The following ZNF521 variants were observed in gnomAD, a reference collection of about 807,000 sequenced individuals.
ZNF521 encodes the protein zinc finger protein 521.
Under a neutral mutation model 105.5 loss-of-function variants are expected in ZNF521, and 14 were observed. That is an observed-to-expected ratio of 0.13 (90% CI 0.09 to 0.21). The LOEUF (loss-of-function observed/expected upper bound fraction) is 0.21. ZNF521 is among the 10% of genes least tolerant of loss of function. ZNF521 has a pLI of 1.00. For synonymous variants in ZNF521, 635 were observed against 606.0 expected (o/e 1.05, Z -0.70); for missense variants, 1,233 against 1,629.7 (o/e 0.76, Z 4.19).
Position 25,215,457 on chromosome 18 carries a change from T to C in ZNF521, c.3573+8888A>G, listed in dbSNP as rs139539157. Among the ~76,000 whole-genome samples, 3 of 152,276 alleles carry C rather than the reference T, an allele frequency of 2.0e-5. No homozygotes were observed. The East Asian group carries it at 5.8e-4, about 29-fold the overall frequency. ...ACTTTTCTTTCATCATTTAAAATCA[T>C]CCTGACTAGATATTTACTAATCTCC... On this transcript the variant is annotated intron_variant, in intron 4 of 7. Transcript: ENST00000361524.
chr18:25,249,400 A>C (rs1600212637), intron 3 of ZNF521, among the ~76,000 whole-genome samples: 1 of 150,032 alleles, frequency 6.7e-6, no homozygotes, highest in Non-Finnish European at 1.5e-5. Flanking sequence ...CTCGTGATTC[A>C]CCCACCTCAG....
chr18:25,323,207 C>T (rs1406323567), intron 2 of ZNF521, among the ~76,000 whole-genome samples: 1 of 151,850 alleles, frequency 6.6e-6, no homozygotes, highest in East Asian at 1.9e-4. Context: ...AAAAACTCCT[C>T]CAAAGTCATA....
At position 25,164,147 on chromosome 18, in the gene ZNF521, C is replaced by G. The variant is rs540117080; in HGVS notation, c.3658+31013G>C. Among the ~76,000 whole-genome samples the G allele has an allele frequency of 2.6e-5, 4 of 152,274 alleles. No individual in the cohort carries two copies. The East Asian group carries it at 7.7e-4, about 29-fold the overall frequency. On this transcript the variant is annotated intron_variant, in intron 5 of 7. Transcript: ENST00000361524. ...TATTTGTTCTAGGGTGGTATCCCCC[C>G]CACTTCCCTGCCAAATAGCTTGAAG...
chr18:25,283,402 T>TTC (rs1910503799), intron 3 of ZNF521, among the ~76,000 whole-genome samples: 2 of 152,196 alleles, frequency 1.3e-5, no homozygotes, highest in Non-Finnish European at 1.5e-5. Context: ...TCTTCCCTGG[T>TTC]CTCTGGTCCA....
intron 5 of ZNF521, among the ~76,000 whole-genome samples, chr18:25,182,088 G>A (rs935645924): frequency 6.6e-6 from 1 of 152,078 alleles, no homozygotes; most frequent in Non-Finnish European, 1.5e-5. Context: ...TCAATTAGAA[G>A]AAGGACATTT....
At position 25,151,477 on chromosome 18, in the gene ZNF521, A is replaced by G. The variant is rs537003592; in HGVS notation, c.3658+43683T>C. On this transcript the variant is annotated intron_variant, in intron 5 of 7. Coordinates refer to ENST00000361524, the MANE Select transcript of ZNF521 (RefSeq NM_015461.3). ...CATTCTGTTTATCTTTTTACCCCCA[A>G]TGATATGTTGAGTGAATAAATGATT... Among the ~76,000 whole-genome samples, 9 of 152,242 alleles carry G rather than the reference A, an allele frequency of 5.9e-5. No individual in the cohort carries two copies. The East Asian group carries it at 9.7e-4, about 16-fold the overall frequency.
intron 2 of ZNF521, among the ~76,000 whole-genome samples, chr18:25,331,369 G>A (rs1913556709): frequency 6.6e-6 from 1 of 151,826 alleles, no homozygotes; most frequent in South Asian, 2.1e-4. Context: ...AAACATTTCT[G>A]TGTAGTCTTT....
At chr18:25,280,925 A>G (rs1284451584) in intron 3 of ZNF521, among the ~76,000 whole-genome samples, 1 of 152,146 alleles carries the variant, frequency 6.6e-6, no homozygotes, top group African/African-American at 2.4e-5. Context: ...GCTTCTAAAT[A>G]CTGTCTCACT....
At position 25,225,106 on chromosome 18, in the gene ZNF521, T is replaced by A; in HGVS notation, c.2812A>T (p.Thr938Ser). 8.1e-6 allele frequency: 13 copies of A among 1,614,106 alleles called. No homozygotes were observed. The highest frequency in any genetic ancestry group is 1.1e-5 in the Non-Finnish European group (13 of 1,180,014). Residue 938 changes from threonine to serine, a missense_variant, in exon 4 of 8, where the codon ACC becomes TCC. By Grantham distance (58) the Thr-to-Ser change is moderately conservative (BLOSUM62 1). Coordinates refer to ENST00000361524, the MANE Select transcript of ZNF521 (RefSeq NM_015461.3). The surrounding 1 kb of genome is among the most constrained non-coding windows in gnomAD (Gnocchi z 5.6). ...GNYKCNVCSR[T>S]FFSENGLREH... ...CGGAGGCCATTTTCGGAGAAGAAGG[T>A]TCGAGAGCACACGTTGCACTTGTAA... is the stretch of plus-strand genomic sequence containing the variant.
intron 5 of ZNF521, among the ~76,000 whole-genome samples, chr18:25,180,871 G>A (rs531977434): frequency 2.6e-5 from 4 of 152,210 alleles, no homozygotes; most frequent in African/African-American, 9.6e-5. Flanking sequence ...AACAGCAACA[G>A]CAGCAGCATA....
intron 5 of ZNF521, among the ~76,000 whole-genome samples, chr18:25,109,813 T>G (rs2034149141): frequency 6.6e-6 from 1 of 152,204 alleles, no homozygotes; most frequent in African/African-American, 2.4e-5. Context: ...TTTTTCTTGT[T>G]GTGCTGTTTG....
chr18:25,171,323 C>A (rs2035445344), intron 5 of ZNF521, among the ~76,000 whole-genome samples: 1 of 152,010 alleles, frequency 6.6e-6, no homozygotes, highest in African/African-American at 2.4e-5. Context: ...TCTTTGACTG[C>A]CAAAATCAAT....
chr18:25,312,049 A>C (rs775476149), intron 3 of ZNF521, among the ~76,000 whole-genome samples: 3 of 152,174 alleles, frequency 2.0e-5, no homozygotes, highest in African/African-American at 7.2e-5. Context: ...CTTTTCATTC[A>C]TAATCAGTAG....
In ZNF521 at chr18:25,212,509, C is replaced by CAAAA. The variant is rs59178760; in HGVS notation, c.3573+11832_3573+11835dup. Among the ~76,000 whole-genome samples, 166 of 21,692 alleles carry CAAAA rather than the reference C, an allele frequency of 7.7e-3. 24 individuals are homozygous for CAAAA. The highest frequency in any genetic ancestry group is 9.0e-3 in the Non-Finnish European group (117 of 13,022). 14.2% of individuals were successfully genotyped at this position (21,692 alleles called of 152,430 possible). On this transcript the variant is annotated intron_variant, in intron 4 of 7. Transcript: ENST00000361524. ...TGGGCAAAAGAGTGAGACTTAGTCT[C>CAAAA]AAAAAAAAAAAAAAAAAAAAAAAAA...
At chr18:25,340,782 C>A (rs976324523) in intron 2 of ZNF521, among the ~76,000 whole-genome samples, 1 of 152,066 alleles carries the variant, frequency 6.6e-6, no homozygotes, top group African/African-American at 2.4e-5. Context: ...AGCCTAGGGA[C>A]ACAGGGACAA....
At position 25,089,510 on chromosome 18, in the gene ZNF521, G is replaced by A; in HGVS notation, c.3861C>T (p.Asp1287=). ...AAAACTTCTGTGGACATTGTGTACA[G>A]TCATAGATCTTGTCTTCTTGTCCAT... is the stretch of plus-strand genomic sequence containing the variant. ...SAHGQEDKIY[D]CTQCPQKFFF... is the part of the protein sequence containing the mutation. The change falls in exon 7 of 8, where the codon GAC becomes GAT. Residue 1287 remains aspartate (D), a synonymous_variant. Coordinates refer to ENST00000361524, the MANE Select transcript of ZNF521 (RefSeq NM_015461.3). 6.2e-7 allele frequency: 1 copy of A among 1,614,176 alleles called. No individual in the cohort carries two copies. The highest frequency in any genetic ancestry group is 2.2e-5 in the East Asian group (1 of 44,882).
chr18:25,249,274 G>A (rs945122048), intron 3 of ZNF521, among the ~76,000 whole-genome samples: 1 of 151,586 alleles, frequency 6.6e-6, no homozygotes, highest in Admixed American at 6.6e-5. Flanking sequence ...TCCTGCCTCA[G>A]CCTCCAGAGT....
intron 3 of ZNF521, among the ~76,000 whole-genome samples, chr18:25,278,592 A>G (rs1411638292): frequency 2.0e-5 from 3 of 152,210 alleles, no homozygotes; most frequent in Non-Finnish European, 4.4e-5. Context: ...CCCTTAATTG[A>G]GATCCTAGCA....
rs1362492946 is a variant in ZNF521, at chr18:25,062,041, A to G, written c.*671T>C. On this transcript the variant is annotated 3_prime_UTR_variant, in exon 8 of 8. Transcript: ENST00000361524. ...ACAGGTTAGTTCAACTGATTCAAGA[A>G]TTTGGCTGCGTGAAATCATTAAGGA... 3 of 195,122 alleles carry G rather than the reference A, an allele frequency of 1.5e-5. No homozygotes were observed. The highest frequency in any genetic ancestry group is 3.2e-5 in the Non-Finnish European group (3 of 93,840). 12.1% of individuals were successfully genotyped at this position (195,122 alleles called of 1,614,324 possible).
Sources: gnomAD v4.1 joint callset for allele counts (sites outside exome capture counted in the v4.1 genomes callset) on GRCh38, gnomAD v4.1.1 for gene constraint, Gnocchi (gnomAD v3.1) non-coding constraint, MANE v1.5 for transcripts, NCBI Gene and HGNC (gene_info 2026-07-23, HGNC 2026-07-21) for gene names.